MGAM2: variants seen among roughly 807,000 people sequenced by gnomAD.
MGAM2 encodes maltase-glucoamylase 2 (putative).
A neutral mutation model predicts 96.1 loss-of-function variants in MGAM2; 98 were observed. The observed-to-expected ratio is 1.02, with a 90% CI of 0.87 to 1.21. The LOEUF is 1.21. MGAM2 is among the 50% of genes most tolerant of loss of function. MGAM2 has a pLI of 0.00. For synonymous variants in MGAM2, 749 were observed against 414.8 expected, an observed-to-expected ratio of 1.81 and a Z score of -9.79; for missense variants, 2,055 against 1,182.4, an observed-to-expected ratio of 1.74 and a Z score of -10.82.
chr7:142,196,566 C>A lies in MGAM2; in HGVS notation c.4482C>A (p.Gly1494=). The A allele has an allele frequency of 1.4e-6, 1 of 719,638 alleles. No homozygotes were observed. Among genetic ancestry groups the A allele is most frequent in the East Asian group, 2.6e-5 (1 of 38,742 alleles). 44.6% of individuals were successfully genotyped at this position (719,638 alleles called of 1,614,324 possible). A position where few individuals can be genotyped will look rare whatever the true frequency, so the allele number is the denominator to read the frequency against. ...AWDQLGKSII[G]MMEFSLFGIP... ...CACAGCTGTGTCTTCTCTTTGCAGG[C>A]ATGATGGAGTTCAGTCTCTTTGGAA... Residue 1494 remains glycine, a splice_region_variant and synonymous_variant, in exon 39 of 48, where the codon GGC becomes GGA. Transcript: ENST00000477922.
At chr7:142,114,129 TCAAAAAAAGAAAGAAAGAAAGAAG>T (rs1563242469) in intron 1 of MGAM2, among the ~76,000 whole-genome samples, 1 of 81,690 alleles carries the variant, frequency 1.2e-5, no homozygotes, top group Non-Finnish European at 2.5e-5. Flanking sequence ...AGACTCCATC[TCAAAAAAAGAAAGAAAGAAAGAAG>T]GAAAGAAAGA....
intron 12 of MGAM2, among the ~76,000 whole-genome samples, chr7:142,142,161 C>CTT (rs59628252): frequency 2.6e-5 from 4 of 151,784 alleles, no homozygotes; most frequent in South Asian, 2.1e-4. Flanking sequence ...ATTCTATTTA[C>CTT]TTTTTTTTCA....
At chr7:142,113,845 A>G (rs1190138411) in intron 1 of MGAM2, among the ~76,000 whole-genome samples, 2 of 152,112 alleles carry the variant, frequency 1.3e-5, no homozygotes, top group Non-Finnish European at 2.9e-5. Context: ...CATTTAATGA[A>G]ATAGGGCTGA....
chr7:142,138,625 G>A lies in MGAM2; in HGVS notation c.1044G>A (p.Leu348=), dbSNP rs1302226664. 1 of 702,838 alleles carries A rather than the reference G, an allele frequency of 1.4e-6. No homozygotes were observed. The highest frequency in any genetic ancestry group is 2.6e-6 in the Non-Finnish European group (1 of 384,946). 43.5% of individuals were successfully genotyped at this position (702,838 alleles called of 1,614,324 possible). A position where few individuals can be genotyped will look rare whatever the true frequency, so the allele number is the denominator to read the frequency against. Residue 348 remains leucine, a synonymous_variant, in exon 10 of 48, where the codon TTG becomes TTA. Coordinates refer to ENST00000477922, the MANE Select transcript of MGAM2 (RefSeq NM_001293626.2). ...SRRDYGGINK[L]KEVVSRNRLA... is the part of the protein sequence containing the mutation. ...GGGACTATGGTGGCATCAATAAATTGAAAGAAGTTGTAAGCCGAAATCGTT... is the reference window on the plus strand; with the variant it reads ...GGGACTATGGTGGCATCAATAAATTAAAAGAAGTTGTAAGCCGAAATCGTT...
intron 33 of MGAM2, among the ~76,000 whole-genome samples, chr7:142,184,124 C>T (rs1045066682): frequency 1.3e-5 from 2 of 151,584 alleles, no homozygotes; most frequent in East Asian, 1.9e-4. Context: ...ATGTGTGTGC[C>T]AACACTCCTG....
chr7:142,196,811 A>G lies in MGAM2; in HGVS notation c.4627A>G (p.Thr1543Ala). ...PFSRNHNNIG[T>A]RRQDPVAWNS... ...TTCCAGAAACCACAACAACATCGGG[A>G]CAAGGGTGAGGCAGTAGTTCGTGCT... Residue 1543 changes from threonine to alanine, a missense_variant, in exon 40 of 48, where the codon ACA (threonine) becomes GCA (alanine). Coordinates refer to ENST00000477922, the MANE Select transcript of MGAM2 (RefSeq NM_001293626.2). 1.3e-6 allele frequency: 1 copy of G among 779,420 alleles called. No individual in the cohort carries two copies. The highest frequency in any genetic ancestry group is 2.4e-6 in the Non-Finnish European group (1 of 418,192). The allele number at this position is 779,420 out of a possible 1,614,324, so 48.3% of individuals were successfully genotyped here.
rs111577735 is a variant in MGAM2, at chr7:142,121,065, G to T, written c.186+684G>T. ...TTGAGATATTAATTAGGACAGTATT[G>T]AATTTTAGGTTAAAGTTTAAACAAT... On this transcript the variant is annotated intron_variant, in intron 3 of 47. Coordinates refer to ENST00000477922, the MANE Select transcript of MGAM2 (RefSeq NM_001293626.2). Among the ~76,000 whole-genome samples, 542 of 152,168 alleles carry T rather than the reference G, an allele frequency of 3.6e-3. 4 individuals are homozygous for T. The highest frequency in any genetic ancestry group is 4.1e-3 in the Non-Finnish European group (278 of 67,990).
At chr7:142,171,085 T>C (rs1796168987) in intron 27 of MGAM2, 187 bp from the exon 28 acceptor site, 2 of 631,840 alleles carry the variant, frequency 3.2e-6, no homozygotes, top group Non-Finnish European at 5.8e-6. Context: ...AGAACAGAAA[T>C]CTAACATGGA....
At position 142,144,860 on chromosome 7, in the gene MGAM2, G is replaced by A. The variant is rs1449022522; in HGVS notation, c.1432-1G>A. ...ACTTTGTGTGTTTTGTGTCTTTGAA[G>A]GAAATGAATGAAGTATCTAGCTTAC... is the stretch of plus-strand genomic sequence containing the variant. On this transcript the variant is annotated splice_acceptor_variant, in intron 13 of 47. Transcript: ENST00000477922. LOFTEE classifies it high-confidence loss of function. 1 of 699,346 alleles carries A rather than the reference G, an allele frequency of 1.4e-6. No homozygotes were observed. The highest frequency in any genetic ancestry group is 2.6e-6 in the Non-Finnish European group (1 of 383,398). The allele number at this position is 699,346 out of a possible 1,614,324, so 43.3% of individuals were successfully genotyped here. A position where few individuals can be genotyped will look rare whatever the true frequency, so the allele number is the denominator to read the frequency against.
intron 17 of MGAM2, 89 bp from the exon 18 acceptor site, chr7:142,157,848 G>A: frequency 1.5e-6 from 1 of 656,058 alleles, no homozygotes; most frequent in South Asian, 1.7e-5. Flanking sequence ...TGGAGGAAGT[G>A]GCTAGTTTCA....
rs371400130 is a variant in MGAM2, at chr7:142,113,296, C to T, written c.-1+1489C>T. On this transcript the variant is annotated intron_variant, in intron 1 of 47. Coordinates refer to ENST00000477922, the MANE Select transcript of MGAM2 (RefSeq NM_001293626.2). ...ATGGTGGGAATATGGGGAGAGGAGA[C>T]GCTGAGCAGCTGGGGTTAGGACGTG... Among the ~76,000 whole-genome samples the T allele has an allele frequency of 5.3e-5, 8 of 152,030 alleles. No homozygotes were observed. In the East Asian group the frequency reaches 5.8e-4, roughly 11 times the overall value.
rs148696969 is a variant in MGAM2, at chr7:142,192,996, AT to A, written c.4347-3152del. Among the ~76,000 whole-genome samples the A allele has an allele frequency of 9.1e-3, 1,393 of 152,276 alleles. 16 individuals are homozygous for A. Among genetic ancestry groups the A allele is most frequent in the African/African-American group, 0.032 (1,347 of 41,530 alleles). On this transcript the variant is annotated intron_variant, in intron 37 of 47. Transcript: ENST00000477922. ...TAAGCACTCAACAAACATTAGCAATATTTTTTAATTCCTTTTCATCAATATT... is the reference window on the plus strand; with the variant it reads ...TAAGCACTCAACAAACATTAGCAATATTTTTAATTCCTTTTCATCAATATT...
Position 142,123,968 on chromosome 7 carries a change from T to TA in MGAM2, c.186+3587_186+3588insA, listed in dbSNP as rs1258820322. Among the ~76,000 whole-genome samples, 62 of 119,430 alleles carry TA rather than the reference T, an allele frequency of 5.2e-4. No individual in the cohort carries two copies. In the East Asian group the frequency reaches 0.013, roughly 26 times the overall value. 78.4% of individuals were successfully genotyped at this position (119,430 alleles called of 152,430 possible). Reference sequence around the variant, plus strand: ...ATCAGGTAAGAGTCCAGAAACTTTTTTTTTTTTTTTTTTTTTTTTTTTGAG... The same window carrying TA: ...ATCAGGTAAGAGTCCAGAAACTTTTTATTTTTTTTTTTTTTTTTTTTTTGAG... On this transcript the variant is annotated intron_variant, in intron 3 of 47. Transcript: ENST00000477922.
intron 1 of MGAM2, among the ~76,000 whole-genome samples, chr7:142,113,318 C>G (rs73536312): frequency 6.6e-6 from 1 of 152,096 alleles, no homozygotes; most frequent in African/African-American, 2.4e-5. Context: ...GGGGTTAGGA[C>G]GTGCCATGAA....
intron 26 of MGAM2, among the ~76,000 whole-genome samples, chr7:142,169,673 A>G (rs982459124): frequency 6.6e-6 from 1 of 152,178 alleles, no homozygotes; most frequent in Admixed American, 6.5e-5. Context: ...AGGAGATCTC[A>G]GAGTCCATAT....
chr7:142,205,201 A>G (rs1191472856), intron 45 of MGAM2, among the ~76,000 whole-genome samples: 1 of 152,108 alleles, frequency 6.6e-6, no homozygotes, highest in African/African-American at 2.4e-5. Context: ...ATATCCATTC[A>G]TCAATTGATG....
chr7:142,198,093 A>C, intron 42 of MGAM2, 46 bp from the exon 43 acceptor site: 1 of 692,546 alleles, frequency 1.4e-6, no homozygotes, highest in Non-Finnish European at 2.6e-6. Flanking sequence ...AAAATGAAAA[A>C]TATTTTTTGA....
intron 2 of MGAM2, among the ~76,000 whole-genome samples, chr7:142,118,639 T>C (rs1453364833): frequency 6.6e-6 from 1 of 152,162 alleles, no homozygotes; most frequent in East Asian, 1.9e-4. Context: ...TGAGTGAAGA[T>C]GTGTATTTCC....
rs191956163 is a variant in MGAM2 at position 142,118,386 on chromosome 7, C to T, written c.106+1407C>T. On this transcript the variant is annotated intron_variant, in intron 2 of 47. Transcript: ENST00000477922. ...TTTTATTGAAATATATATATATGTA[C>T]ACAAACAAATGTAGAGCCGTAAAGA... Among the ~76,000 whole-genome samples, 266 of 152,150 alleles carry T rather than the reference C, an allele frequency of 1.7e-3. 2 individuals are homozygous for T. Among genetic ancestry groups the T allele is most frequent in the Non-Finnish European group, 6.3e-4 (43 of 68,006 alleles).
Sources: allele counts gnomAD v4.1 joint callset (sites outside exome capture counted in the v4.1 genomes callset), GRCh38; gene constraint gnomAD v4.1.1; transcripts MANE v1.5; gene names NCBI Gene and HGNC (gene_info 2026-07-23, HGNC 2026-07-21).